NUP98: variants seen among roughly 807,000 people sequenced by gnomAD.
NUP98 encodes nucleoporin 98 and 96 precursor.
A neutral mutation model predicts 191.9 loss-of-function variants in NUP98; 26 were observed. That is an observed-to-expected ratio of 0.14 (90% CI 0.10 to 0.19). NUP98 has a LOEUF of 0.19. NUP98 is among the 10% of genes least tolerant of loss of function. The pLI is 1.00. For missense variants in NUP98, 1,941 were observed against 2,178.8 expected (o/e 0.89, Z 2.17); for synonymous variants, 808 against 778.4 (o/e 1.04, Z -0.63).
intron 28 of NUP98, 61 bp from the exon 29 acceptor site, chr11:3,686,255 C>A: frequency 7.0e-7 from 1 of 1,438,592 alleles, no homozygotes. Flanking sequence ...ACTGATATGT[C>A]AACTGTTCTG....
chr11:3,772,029 A>G (rs774683910), intron 6 of NUP98, 101 bp from the exon 7 acceptor site: 65 of 948,596 alleles, frequency 6.9e-5, no homozygotes, highest in Non-Finnish European at 3.9e-5. Context: ...CTATGTTCAC[A>G]TAGGAACCAT....
In NUP98 at chr11:3,707,037, CAA is replaced by C. The variant is rs141992806; in HGVS notation, c.2743-412_2743-411del. Among the ~76,000 whole-genome samples, 1,518 of 152,302 alleles carry C rather than the reference CAA, an allele frequency of 1.0e-2. 28 individuals carry two copies. The highest frequency in any genetic ancestry group is 0.035 in the African/African-American group (1,459 of 41,554). ...AAAAAAGAACAAAAGGTACAAATATCAAAGTCTCCAGTAACTTTGCTTTTTCT... is the reference window on the plus strand; with the variant it reads ...AAAAAAGAACAAAAGGTACAAATATCAGTCTCCAGTAACTTTGCTTTTTCT... On this transcript the variant is annotated intron_variant, in intron 20 of 32. Coordinates refer to ENST00000324932, the MANE Select transcript of NUP98 (RefSeq NM_016320.5).
At chr11:3,740,720 G>A (rs947304530) in intron 12 of NUP98, among the ~76,000 whole-genome samples, 6 of 151,622 alleles carry the variant, frequency 4.0e-5, no homozygotes, top group Non-Finnish European at 7.4e-5. Context: ...GATAATAGCC[G>A]GTTTCTAGAT....
intron 1 of NUP98, among the ~76,000 whole-genome samples, chr11:3,789,968 A>G (rs2082279397): frequency 6.6e-6 from 1 of 152,060 alleles, no homozygotes; most frequent in African/African-American, 2.4e-5. Flanking sequence ...GTATTTTAGT[A>G]GACATGGGGT....
At chr11:3,748,550 A>C (rs276894) in intron 11 of NUP98, among the ~76,000 whole-genome samples, 32,425 of 152,138 alleles carry the variant, frequency 0.21, 3,640 homozygotes, top group East Asian at 0.26. Flanking sequence ...GGCCCAGCAC[A>C]GTGGCTTATG....
intron 11 of NUP98, among the ~76,000 whole-genome samples, chr11:3,745,684 G>A (rs1404202628): frequency 6.6e-5 from 10 of 151,976 alleles, no homozygotes; most frequent in Admixed American, 6.6e-4. Context: ...TGAGTCCTGG[G>A]CGAAAGTAAT....
intron 9 of NUP98, among the ~76,000 whole-genome samples, chr11:3,761,813 A>C: frequency 6.6e-6 from 1 of 151,546 alleles, no homozygotes; most frequent in East Asian, 2.0e-4. Flanking sequence ...GCATGGTGTC[A>C]CACGCCTGTA....
chr11:3,797,289 G>A (rs978920536), intron 1 of NUP98, 111 bp downstream of exon 1: 3 of 397,096 alleles, frequency 7.6e-6, no homozygotes, highest in Non-Finnish European at 4.4e-6. Flanking sequence ...TGCGCGCAGC[G>A]GCGCTAGACT....
intron 6 of NUP98, among the ~76,000 whole-genome samples, chr11:3,773,251 A>G (rs1685226464): frequency 6.6e-6 from 1 of 152,132 alleles, no homozygotes; most frequent in African/African-American, 2.4e-5. Context: ...AAAAATTTTT[A>G]AAAATTAGCT....
chr11:3,729,173 T>C (rs1786760372), intron 14 of NUP98, among the ~76,000 whole-genome samples: 1 of 152,148 alleles, frequency 6.6e-6, no homozygotes, highest in Admixed American at 6.6e-5. Flanking sequence ...ACAGATGATA[T>C]TTAAAGCCAT....
chr11:3,704,819 C>A (rs960092046), intron 22 of NUP98, among the ~76,000 whole-genome samples: 4 of 152,070 alleles, frequency 2.6e-5, no homozygotes, highest in Non-Finnish European at 5.9e-5. Context: ...CAGCCTGGGG[C>A]AAGATAGCAA....
In NUP98 at chr11:3,720,825, C is replaced by G; in HGVS notation, c.2147G>C (p.Gly716Ala). The G allele has an allele frequency of 1.1e-6, 1 of 878,840 alleles. No homozygotes were observed. Among genetic ancestry groups the G allele is most frequent in the Non-Finnish European group, 1.7e-6 (1 of 581,560 alleles). The allele number at this position is 878,840 out of a possible 1,614,324, so 54.4% of individuals were successfully genotyped here. Residue 716 changes from glycine (G) to alanine (A), a missense_variant and splice_region_variant, in exon 17 of 33, where the codon GGT (glycine) becomes GCT (alanine). By Grantham distance (60) the Gly-to-Ala change is moderately conservative (BLOSUM62 0). Transcript: ENST00000324932. ...ENNSYHMHPAGIILTKVGYYT... is the reference protein window; with the variant it reads ...ENNSYHMHPAAIILTKVGYYT... ...GTAACCAACCTTAGTGAGAATAATA[C>G]CTGTGACAAAAAAAAAAAAAAAAAC...
At chr11:3,703,612 C>T (rs2078775088) in intron 22 of NUP98, among the ~76,000 whole-genome samples, 1 of 152,100 alleles carries the variant, frequency 6.6e-6, no homozygotes, top group Non-Finnish European at 1.5e-5. Flanking sequence ...TACAAAGTGA[C>T]AGGACCAGGA....
chr11:3,763,288 CT>C (rs2081233973), intron 8 of NUP98, among the ~76,000 whole-genome samples: 1 of 152,042 alleles, frequency 6.6e-6, no homozygotes, highest in Non-Finnish European at 1.5e-5. Flanking sequence ...AAGTTCAAAC[CT>C]ATATTTAAGC....
In NUP98 at chr11:3,700,811, A is replaced by G; in HGVS notation, c.3541T>C (p.Leu1181=). The G allele has an allele frequency of 6.2e-7, 1 of 1,614,002 alleles. No homozygotes were observed. Residue 1181 remains leucine, a synonymous_variant, in exon 24 of 33, where the codon TTA becomes CTA. Transcript: ENST00000324932. ...CTTTGTCTCAAACTGAGTTTTTCTAAGTGAACTTTGAATGGGGACTCAGTT... is the reference window on the plus strand; with the variant it reads ...CTTTGTCTCAAACTGAGTTTTTCTAGGTGAACTTTGAATGGGGACTCAGTT... ...PLTESPFKVH[L]EKLSLRQRKP... is the part of the protein sequence containing the mutation.
intron 8 of NUP98, among the ~76,000 whole-genome samples, chr11:3,766,732 C>T (rs1391216144): frequency 1.3e-5 from 2 of 150,722 alleles, no homozygotes; most frequent in Non-Finnish European, 3.0e-5. Context: ...GAGGGTCCTC[C>T]AACTTGTTGT....
At chr11:3,768,021 T>A (rs979052572) in intron 8 of NUP98, among the ~76,000 whole-genome samples, 2 of 152,132 alleles carry the variant, frequency 1.3e-5, no homozygotes, top group Non-Finnish European at 2.9e-5. Flanking sequence ...TAGTTCCTAC[T>A]TAGTAATGAG....
intron 8 of NUP98, among the ~76,000 whole-genome samples, chr11:3,765,828 A>G (rs1212511159): frequency 1.3e-5 from 2 of 151,934 alleles, no homozygotes; most frequent in Admixed American, 6.6e-5. Flanking sequence ...AAATTGATCA[A>G]TTTTAACTTT....
At chr11:3,725,616 C>T (rs2079586300) in intron 14 of NUP98, among the ~76,000 whole-genome samples, 1 of 152,176 alleles carries the variant, frequency 6.6e-6, no homozygotes, top group South Asian at 2.1e-4. Context: ...GCTGTCTCAC[C>T]ATAGAACTCA....
Sources: gnomAD v4.1 joint callset for allele counts (sites outside exome capture counted in the v4.1 genomes callset) on GRCh38, gnomAD v4.1.1 for gene constraint, MANE v1.5 for transcripts, NCBI Gene and HGNC (gene_info 2026-07-23, HGNC 2026-07-21) for gene names.